The following HKDC1 variants were observed in gnomAD, a reference collection of about 807,000 sequenced individuals.
The protein encoded by HKDC1 is hexokinase HKDC1.
Under a neutral mutation model 96.6 loss-of-function variants are expected in HKDC1, and 66 were observed. The ratio of observed to expected loss-of-function variants is 0.68; its 90% CI spans 0.56 to 0.84. The LOEUF is 0.84. Ranked by LOEUF, HKDC1 falls within the 40% of genes least tolerant of loss-of-function variation. HKDC1 has a pLI of 0.00. For missense variants in HKDC1, 1,211 were observed against 1,208.1 expected (o/e 1.00, Z -0.04); for synonymous variants, 466 against 473.1 (o/e 0.98, Z 0.20).
chr10:69,231,397 C>T (rs1048008936), intron 2 of HKDC1, among the ~76,000 whole-genome samples: 1 of 152,198 alleles, frequency 6.6e-6, no homozygotes, highest in Non-Finnish European at 1.5e-5. Flanking sequence ...AACCTCATTT[C>T]TGTGACAGCT....
In HKDC1 at chr10:69,261,166, C is replaced by T. The variant is rs759710449; in HGVS notation, c.2244C>T (p.Tyr748=). The change falls in exon 16 of 18, where the codon TAC becomes TAT. Residue 748 remains tyrosine (Y), a synonymous_variant. Coordinates refer to ENST00000354624, the MANE Select transcript of HKDC1 (RefSeq NM_025130.4). The stretch of plus-strand genomic sequence containing the variant: ...ACGAGAAAATGACCAGTGGGATGTA[C>T]TTGGGGGAGATTGTGCGGCAGATCC... ...QRYEKMTSGM[Y]LGEIVRQILI... The T allele has an allele frequency of 2.5e-6, 4 of 1,613,916 alleles. No individual in the cohort carries two copies. In the South Asian group the frequency reaches 3.3e-5, roughly 13 times the overall value.
intron 13 of HKDC1, 67 bp downstream of exon 13, chr10:69,257,198 C>A: frequency 6.8e-7 from 1 of 1,478,464 alleles, no homozygotes; most frequent in Admixed American, 1.7e-5. Flanking sequence ...GCTCTGCCAT[C>A]CTCTGCCCAG....
rs1843660766 is a variant in HKDC1 at position 69,252,632 on chromosome 10, A to AG, written c.1836+1981dup. ...TGCACTCCAGCCTGGTGACAGAGCGAGACTCTGTCTCAAAAAAAAAAAAAA... is the reference window on the plus strand; with the variant it reads ...TGCACTCCAGCCTGGTGACAGAGCGAGGACTCTGTCTCAAAAAAAAAAAAAA... On this transcript the variant is annotated intron_variant, in intron 12 of 17. Coordinates refer to ENST00000354624, the MANE Select transcript of HKDC1 (RefSeq NM_025130.4). 2.8e-5 allele frequency among the ~76,000 whole-genome samples: 4 copies of AG among 141,398 alleles called. No homozygotes were observed. In the South Asian group the frequency reaches 7.2e-4, roughly 25 times the overall value. The allele number at this position is 141,398 out of a possible 152,430, so 92.8% of individuals were successfully genotyped here.
intron 1 of HKDC1, among the ~76,000 whole-genome samples, chr10:69,221,525 A>G (rs1843063815): frequency 6.6e-6 from 1 of 152,170 alleles, no homozygotes; most frequent in Admixed American, 6.5e-5. Context: ...AGGAGGACTT[A>G]GCCAAGGTCA....
At chr10:69,255,122 C>G (rs1458602342) in intron 12 of HKDC1, among the ~76,000 whole-genome samples, 1 of 152,222 alleles carries the variant, frequency 6.6e-6, no homozygotes, top group Non-Finnish European at 1.5e-5. Flanking sequence ...GGACACTGGG[C>G]CTTTGGGCCT....
chr10:69,220,506 G>C lies in HKDC1; in HGVS notation c.63+8G>C. Reference sequence around the variant, plus strand: ...GAGGACCAGATCAAGAAGGTAAGGAGGACCCACGAAGCTGAGAGATGCCCA... The same window carrying C: ...GAGGACCAGATCAAGAAGGTAAGGACGACCCACGAAGCTGAGAGATGCCCA... On this transcript the variant is annotated splice_region_variant and intron_variant, in intron 1 of 17. Coordinates refer to ENST00000354624, the MANE Select transcript of HKDC1 (RefSeq NM_025130.4). 1 of 1,578,956 alleles carries C rather than the reference G, an allele frequency of 6.3e-7. No homozygotes were observed. The highest frequency in any genetic ancestry group is 8.6e-7 in the Non-Finnish European group (1 of 1,163,880).
At chr10:69,237,364 AAAAG>A (rs1727356614) in intron 4 of HKDC1, among the ~76,000 whole-genome samples, 1 of 151,654 alleles carries the variant, frequency 6.6e-6, no homozygotes, top group Admixed American at 6.6e-5. Context: ...AAGGTTTAAA[AAAAG>A]AGAGAGAGAA....
intron 7 of HKDC1, 57 bp downstream of exon 7, chr10:69,243,422 A>C (rs770265519): frequency 4.2e-6 from 6 of 1,430,744 alleles, no homozygotes; most frequent in Non-Finnish European, 4.7e-6. Flanking sequence ...CTAATCACTC[A>C]GGTCCCCTGG....
At chr10:69,244,351 A>G (rs1191234606) in intron 7 of HKDC1, among the ~76,000 whole-genome samples, 1 of 152,128 alleles carries the variant, frequency 6.6e-6, no homozygotes, top group Admixed American at 6.5e-5. Flanking sequence ...AGCACCTTCT[A>G]GGAGCGATTC....
intron 5 of HKDC1, among the ~76,000 whole-genome samples, chr10:69,239,387 C>T (rs1052020661): frequency 6.6e-6 from 1 of 152,240 alleles, no homozygotes; most frequent in Non-Finnish European, 1.5e-5. Flanking sequence ...CCCTGGGCCT[C>T]CCCAGCAGCC....
At chr10:69,241,543 G>A (rs1843457008) in intron 6 of HKDC1, among the ~76,000 whole-genome samples, 1 of 152,156 alleles carries the variant, frequency 6.6e-6, no homozygotes, top group African/African-American at 2.4e-5. Flanking sequence ...GAGTGCAGTG[G>A]CACAGTCTTG....
intron 12 of HKDC1, among the ~76,000 whole-genome samples, chr10:69,250,905 G>A (rs1471860508): frequency 2.0e-5 from 3 of 152,102 alleles, no homozygotes; most frequent in African/African-American, 7.2e-5. Flanking sequence ...CCTACTAAAA[G>A]AGAGGTCGAA....
intron 6 of HKDC1, among the ~76,000 whole-genome samples, chr10:69,242,443 A>AC (rs1461943245): frequency 1.3e-5 from 2 of 151,848 alleles, no homozygotes; most frequent in African/African-American, 2.4e-5. Context: ...AAAAAAAAAA[A>AC]AAAAAAACCC....
intron 14 of HKDC1, among the ~76,000 whole-genome samples, chr10:69,258,246 G>C (rs145075471): frequency 6.6e-6 from 1 of 152,290 alleles, no homozygotes; most frequent in African/African-American, 2.4e-5. Context: ...AGATCTAGGA[G>C]AGCAAAGAGG....
intron 12 of HKDC1, among the ~76,000 whole-genome samples, chr10:69,251,974 G>C (rs1389756948): frequency 6.6e-6 from 1 of 151,994 alleles, no homozygotes; most frequent in South Asian, 2.1e-4. Flanking sequence ...TGGCCAGGCT[G>C]GTCTTGAACT....
chr10:69,225,352 G>A lies in HKDC1; in HGVS notation c.64-1855G>A, dbSNP rs541523465. 6.6e-5 allele frequency among the ~76,000 whole-genome samples: 10 copies of A among 152,250 alleles called. No homozygotes were observed. In the East Asian group the frequency reaches 7.7e-4, roughly 12 times the overall value. ...CCCCAACCCCAATTACTTGGGTCAC[G>A]TCCTTTGCATCCAGTTTTCTCGGCT... On this transcript the variant is annotated intron_variant, in intron 1 of 17. Coordinates refer to ENST00000354624, the MANE Select transcript of HKDC1 (RefSeq NM_025130.4).
chr10:69,248,893 T>A (rs1394690842), intron 10 of HKDC1, 165 bp downstream of exon 10: 3 of 665,022 alleles, frequency 4.5e-6, no homozygotes, highest in Non-Finnish European at 7.3e-6. Flanking sequence ...TGGCCTTTGT[T>A]AACCCAAGGC....
At chr10:69,237,381 A>G (rs1230045579) in intron 4 of HKDC1, among the ~76,000 whole-genome samples, 1 of 151,654 alleles carries the variant, frequency 6.6e-6, no homozygotes, top group Non-Finnish European at 1.5e-5. Context: ...AGAGAGAAGG[A>G]ATGGAAAAGT....
intron 2 of HKDC1, 146 bp downstream of exon 2, chr10:69,227,515 C>G (rs971181906): frequency 1.2e-6 from 1 of 837,874 alleles, no homozygotes; most frequent in Admixed American, 2.8e-5. Flanking sequence ...CTGCTTCAGT[C>G]CTGCTGAATC....
Sources: allele counts gnomAD v4.1 joint callset (sites outside exome capture counted in the v4.1 genomes callset), GRCh38; gene constraint gnomAD v4.1.1; transcripts MANE v1.5; gene names NCBI Gene and HGNC (gene_info 2026-07-23, HGNC 2026-07-21).